Variants in PCSK2 observed in about 807,000 individuals in gnomAD.
PCSK2 encodes neuroendocrine convertase 2.
Under a neutral mutation model 69.7 loss-of-function variants are expected in PCSK2, and 14 were observed. The ratio of observed to expected loss-of-function variants is 0.20; its 90% CI spans 0.13 to 0.31. The LOEUF is 0.31. Among genes scored for constraint, PCSK2 ranks in the 10% least tolerant of loss-of-function variants. The pLI is 1.00. For missense variants in PCSK2, 544 were observed against 842.5 expected (o/e 0.65, Z 4.39); for synonymous variants, 307 against 320.7 (o/e 0.96, Z 0.46).
Position 17,304,048 on chromosome 20 carries a change from C to T in PCSK2, c.282+43704C>T, listed in dbSNP as rs189348107. Among the ~76,000 whole-genome samples, 31 of 151,210 alleles carry T rather than the reference C, an allele frequency of 2.1e-4. No homozygotes were observed. In the East Asian group the frequency reaches 2.1e-3, roughly 10 times the overall value. ...ATGAGACCTCTCAATTCATGATTAT[C>T]CAACTGGGAGTCTTTTGGGAAAGTT... On this transcript the variant is annotated intron_variant, in intron 2 of 11. Coordinates refer to ENST00000262545, the MANE Select transcript of PCSK2 (RefSeq NM_002594.5).
At chr20:17,438,578 A>G (rs116423040) in intron 8 of PCSK2, among the ~76,000 whole-genome samples, 2,750 of 152,286 alleles carry the variant, frequency 0.018, 88 homozygotes, top group African/African-American at 0.063. Context: ...TGAAAGTCAC[A>G]TCGAAATCTA....
At chr20:17,319,613 G>A (rs1366778793) in intron 2 of PCSK2, among the ~76,000 whole-genome samples, 2 of 152,050 alleles carry the variant, frequency 1.3e-5, no homozygotes, top group Non-Finnish European at 2.9e-5. Context: ...ATATTCCACT[G>A]GCAAAAGCAA....
At chr20:17,310,815 C>G (rs979418746) in intron 2 of PCSK2, among the ~76,000 whole-genome samples, 1 of 151,502 alleles carries the variant, frequency 6.6e-6, no homozygotes, top group African/African-American at 2.4e-5. Context: ...GATGGTGAAA[C>G]CCCGTCTCTA....
intron 2 of PCSK2, among the ~76,000 whole-genome samples, chr20:17,292,498 T>C (rs1055774806): frequency 3.3e-5 from 5 of 152,246 alleles, no homozygotes; most frequent in Non-Finnish European, 7.3e-5. Context: ...AGTTAGCTAA[T>C]TGACTCAATA....
At chr20:17,276,958 C>G in intron 2 of PCSK2, among the ~76,000 whole-genome samples, 1 of 152,114 alleles carries the variant, frequency 6.6e-6, no homozygotes, top group Non-Finnish European at 1.5e-5. Flanking sequence ...TGAGTGAACT[C>G]CCATTCACAA....
At chr20:17,479,643 T>TA (rs908521101) in intron 11 of PCSK2, among the ~76,000 whole-genome samples, 42 of 151,786 alleles carry the variant, frequency 2.8e-4, no homozygotes, top group African/African-American at 9.4e-4. Flanking sequence ...ACTAAAAATA[T>TA]AAATAATTAC....
chr20:17,481,649 A>C lies in PCSK2; in HGVS notation c.1496A>C (p.Asn499Thr). ...ACCGACGCCTGTGAGGGGAAGGAAA[A>C]TTTTGTCCGCTACCTGGAGCATGTC... is the stretch of plus-strand genomic sequence containing the variant. ...LTTDACEGKE[N>T]FVRYLEHVQA... is the part of the protein sequence containing the mutation. The change falls in exon 12 of 12, where the codon AAT becomes ACT. Residue 499 changes from asparagine (N) to threonine (T), a missense_variant. Asn to Thr is a moderately conservative substitution (Grantham distance 65, BLOSUM62 0). Around this residue, in one of 3 missense-constraint regions of PCSK2, gnomAD observed 200 missense variants for 287.8 expected, o/e 0.69. Coordinates refer to ENST00000262545, the MANE Select transcript of PCSK2 (RefSeq NM_002594.5). The C allele has an allele frequency of 6.2e-7, 1 of 1,614,020 alleles. No homozygotes were observed.
chr20:17,369,623 G>T (rs1419072523), intron 5 of PCSK2, among the ~76,000 whole-genome samples: 2 of 152,224 alleles, frequency 1.3e-5, no homozygotes, highest in East Asian at 3.8e-4. Flanking sequence ...GACAAGGCAT[G>T]TGGCCTGGCA....
intron 4 of PCSK2, among the ~76,000 whole-genome samples, chr20:17,366,249 G>A (rs960468236): frequency 3.3e-5 from 5 of 152,188 alleles, no homozygotes; most frequent in African/African-American, 1.2e-4. Flanking sequence ...GACTGTCACC[G>A]CTTCCTGAGA....
At chr20:17,476,893 A>G (rs1043898935) in intron 11 of PCSK2, among the ~76,000 whole-genome samples, 2 of 152,186 alleles carry the variant, frequency 1.3e-5, no homozygotes, top group Non-Finnish European at 2.9e-5. Context: ...GCTTTCCACC[A>G]AATGGATGGT....
intron 7 of PCSK2, among the ~76,000 whole-genome samples, chr20:17,432,830 T>C (rs1442108185): frequency 6.6e-6 from 1 of 152,370 alleles, no homozygotes; most frequent in South Asian, 2.1e-4. Context: ...GGCACCTTCC[T>C]GTTGCAGGGG....
At chr20:17,233,332 T>C (rs149875317) in intron 1 of PCSK2, among the ~76,000 whole-genome samples, 62 of 152,236 alleles carry the variant, frequency 4.1e-4, no homozygotes, top group Middle Eastern at 3.4e-3. Context: ...TAGGATAAAA[T>C]AGCTATTACT....
intron 5 of PCSK2, among the ~76,000 whole-genome samples, chr20:17,370,910 G>A (rs2030739538): frequency 6.6e-6 from 1 of 152,170 alleles, no homozygotes; most frequent in South Asian, 2.1e-4. Context: ...CAGAGAGCAA[G>A]TGTGGCAGGG....
Position 17,418,263 on chromosome 20 carries a change from G to C in PCSK2, c.620+8924G>C, listed in dbSNP as rs1009412966. 1.2e-4 allele frequency among the ~76,000 whole-genome samples: 18 copies of C among 152,338 alleles called. 1 individual carries two copies. In the South Asian group the frequency reaches 3.7e-3, roughly 32 times the overall value. ...GAGGCACAGAGAGGTTAAGTTACTT[G>C]TGCAAGGTTACAGGGCTAATAAGAA... On this transcript the variant is annotated intron_variant, in intron 6 of 11. Coordinates refer to ENST00000262545, the MANE Select transcript of PCSK2 (RefSeq NM_002594.5).
intron 1 of PCSK2, among the ~76,000 whole-genome samples, chr20:17,255,190 C>A (rs2122985778): frequency 6.6e-6 from 1 of 152,266 alleles, no homozygotes; most frequent in East Asian, 1.9e-4. Flanking sequence ...CTAAAATCTC[C>A]AGTACACTCT....
intron 1 of PCSK2, among the ~76,000 whole-genome samples, chr20:17,250,839 C>A (rs1199149385): frequency 6.6e-6 from 1 of 152,170 alleles, no homozygotes; most frequent in East Asian, 1.9e-4. Context: ...GTGGCTCACA[C>A]CTGTAATCCC....
chr20:17,259,240 G>A (rs1047306866), intron 1 of PCSK2, among the ~76,000 whole-genome samples: 6 of 152,118 alleles, frequency 3.9e-5, no homozygotes, highest in African/African-American at 1.4e-4. Context: ...TTGAGAATCT[G>A]ATGAAATCAT....
At chr20:17,320,074 T>C (rs1475048738) in intron 2 of PCSK2, among the ~76,000 whole-genome samples, 2 of 152,114 alleles carry the variant, frequency 1.3e-5, no homozygotes, top group Admixed American at 6.5e-5. Flanking sequence ...AACAAGCAGA[T>C]GTAATGAGGG....
intron 10 of PCSK2, among the ~76,000 whole-genome samples, chr20:17,457,697 G>A (rs2032946692): frequency 6.6e-6 from 1 of 152,220 alleles, no homozygotes; most frequent in African/African-American, 2.4e-5. Flanking sequence ...CTCAGGGTCT[G>A]AGTGGGCCCT....
Sources: gnomAD v4.1 joint callset for allele counts (sites outside exome capture counted in the v4.1 genomes callset) on GRCh38, gnomAD v4.1.1 for gene constraint, gnomAD v4.1.1 regional missense constraint, MANE v1.5 for transcripts, NCBI Gene and HGNC (gene_info 2026-07-23, HGNC 2026-07-21) for gene names.